Variants in TMEM135 observed in about 807,000 individuals in gnomAD.
TMEM135 encodes the protein transmembrane protein 135, also known as peroxisomal membrane protein 52.
A neutral mutation model predicts 60.3 loss-of-function variants in TMEM135; 30 were observed. The observed-to-expected ratio is 0.50, with a 90% CI of 0.37 to 0.68. The LOEUF is 0.68. TMEM135 is among the 30% of genes least tolerant of loss of function. The pLI is 0.00. For missense variants in TMEM135, 468 were observed against 548.8 expected (o/e 0.85, Z 1.47); for synonymous variants, 190 against 186.7 (o/e 1.02, Z -0.14).
intron 1 of TMEM135, among the ~76,000 whole-genome samples, 160 bp downstream of exon 1, chr11:87,038,346 G>GATATACCAA (rs2135098275): frequency 6.6e-6 from 1 of 152,112 alleles, no homozygotes; most frequent in South Asian, 2.1e-4. Context: ...GAAGGGGGAG[G>GATATACCAA]TCGCAAGGGA....
chr11:87,316,539 C>T (rs555816370), intron 12 of TMEM135, among the ~76,000 whole-genome samples: 18 of 152,066 alleles, frequency 1.2e-4, no homozygotes, highest in Admixed American at 1.2e-3. Flanking sequence ...GCTGAGAGAA[C>T]AGTTAGTCTG....
intron 1 of TMEM135, among the ~76,000 whole-genome samples, chr11:87,056,270 T>G (rs531164280): frequency 6.6e-6 from 1 of 152,318 alleles, no homozygotes; most frequent in South Asian, 2.1e-4. Flanking sequence ...TGCCTAATTT[T>G]CTGAGAATGC....
At chr11:87,128,635 A>G (rs1937806928) in intron 4 of TMEM135, among the ~76,000 whole-genome samples, 2 of 152,218 alleles carry the variant, frequency 1.3e-5, no homozygotes, top group African/African-American at 4.8e-5. Flanking sequence ...TACTAGTAGG[A>G]AATGAACTCT....
chr11:87,107,793 G>A (rs1414521668), intron 4 of TMEM135, among the ~76,000 whole-genome samples: 2 of 152,066 alleles, frequency 1.3e-5, no homozygotes, highest in Admixed American at 1.3e-4. Flanking sequence ...GGGATTGCTG[G>A]GTCAAATGGT....
intron 6 of TMEM135, among the ~76,000 whole-genome samples, chr11:87,268,090 G>A (rs10128621): frequency 0.37 from 54,425 of 147,136 alleles, 10,852 homozygotes; most frequent in Non-Finnish European, 0.45. Flanking sequence ...GGGAGATTAA[G>A]TACCTACTCT....
At chr11:87,304,842 A>G (rs918625987) in intron 8 of TMEM135, among the ~76,000 whole-genome samples, 3 of 152,164 alleles carry the variant, frequency 2.0e-5, no homozygotes, top group African/African-American at 7.2e-5. Flanking sequence ...CTTATTTTGG[A>G]ACATGAACCC....
intron 6 of TMEM135, among the ~76,000 whole-genome samples, chr11:87,254,484 A>G (rs1039575020): frequency 6.6e-6 from 1 of 152,210 alleles, no homozygotes; most frequent in African/African-American, 2.4e-5. Context: ...TGTCATGGAT[A>G]AAATGATCTC....
At chr11:87,141,891 G>A (rs116353301) in intron 4 of TMEM135, among the ~76,000 whole-genome samples, 5,136 of 152,232 alleles carry the variant, frequency 0.034, 262 homozygotes, top group African/African-American at 0.11. Flanking sequence ...TACAGCAGCA[G>A]TCTTTTATGT....
Position 87,095,005 on chromosome 11 carries a change from T to A in TMEM135, c.396+3610T>A, listed in dbSNP as rs141614341. 16 of 174,778 alleles carry A rather than the reference T, an allele frequency of 9.2e-5. No individual in the cohort carries two copies. The East Asian group carries it at 1.5e-3, about 16-fold the overall frequency. 10.8% of individuals were successfully genotyped at this position (174,778 alleles called of 1,614,324 possible). ...AGATATTTACACCTTGGATACCACT[T>A]AGCATGTTGTTCCCGGGGGTGTTCA... On this transcript the variant is annotated intron_variant, in intron 4 of 14. Coordinates refer to ENST00000305494, the MANE Select transcript of TMEM135 (RefSeq NM_022918.4).
At chr11:87,125,789 C>T (rs1189642270) in intron 4 of TMEM135, among the ~76,000 whole-genome samples, 2 of 152,134 alleles carry the variant, frequency 1.3e-5, no homozygotes, top group African/African-American at 2.4e-5. Flanking sequence ...AGATGGGGGT[C>T]AGTTCTCAGA....
intron 3 of TMEM135, among the ~76,000 whole-genome samples, chr11:87,080,290 A>G (rs1316791622): frequency 6.7e-6 from 1 of 150,186 alleles, no homozygotes; most frequent in Non-Finnish European, 1.5e-5. Flanking sequence ...CCTTACTGGG[A>G]GGGCTCTCTT....
intron 4 of TMEM135, chr11:87,095,683 A>C: frequency 5.7e-6 from 1 of 176,004 alleles, no homozygotes. Flanking sequence ...CACTATTTTA[A>C]AAGTAAATGC....
rs562454378 is a variant in TMEM135 at position 87,315,343 on chromosome 11, A to C, written c.1077+796A>C. 1.2e-3 allele frequency among the ~76,000 whole-genome samples: 187 copies of C among 152,056 alleles called. 1 individual carries two copies. Among genetic ancestry groups the C allele is most frequent in the African/African-American group, 4.4e-3 (181 of 41,516 alleles). ...GTTGTTAACTAGATCTTGAGACCTAAGCAAATTCAGGTTTAAATTTTTGTA... is the reference window on the plus strand; with the variant it reads ...GTTGTTAACTAGATCTTGAGACCTACGCAAATTCAGGTTTAAATTTTTGTA... On this transcript the variant is annotated intron_variant, in intron 12 of 14. Coordinates refer to ENST00000305494, the MANE Select transcript of TMEM135 (RefSeq NM_022918.4).
chr11:87,202,527 G>C (rs1940137160), intron 5 of TMEM135, among the ~76,000 whole-genome samples: 1 of 151,358 alleles, frequency 6.6e-6, no homozygotes, highest in Non-Finnish European at 1.5e-5. Flanking sequence ...GATTTTGCCA[G>C]CTTGCCCAGG....
intron 5 of TMEM135, among the ~76,000 whole-genome samples, chr11:87,201,591 T>C (rs620313): frequency 0.13 from 19,989 of 152,192 alleles, 1,362 homozygotes; most frequent in Non-Finnish European, 0.15. Flanking sequence ...TTAAGACGCC[T>C]GCTGGTTGGA....
intron 7 of TMEM135, among the ~76,000 whole-genome samples, chr11:87,300,791 G>A (rs1942432159): frequency 6.6e-6 from 1 of 152,146 alleles, no homozygotes; most frequent in African/African-American, 2.4e-5. Flanking sequence ...TACTAAAATG[G>A]CACGTACATT....
At chr11:87,309,731 A>G in intron 10 of TMEM135, 59 bp downstream of exon 10, 1 of 1,559,180 alleles carries the variant, frequency 6.4e-7, no homozygotes, top group Non-Finnish European at 8.8e-7. Flanking sequence ...TATTGTTAGA[A>G]TGAGAGATGG....
chr11:87,324,832 A>G lies in TMEM135; in HGVS notation c.*3499A>G, dbSNP rs1342578032. On this transcript the variant is annotated 3_prime_UTR_variant, in exon 15 of 15. Transcript: ENST00000305494. ...TACATTTCTTACTAAGATATCTTAT[A>G]AACATTCTCTCTCCTAACACCTCCT... 3 of 453,810 alleles carry G rather than the reference A, an allele frequency of 6.6e-6. No individual in the cohort carries two copies. Among genetic ancestry groups the G allele is most frequent in the South Asian group, 3.1e-5 (2 of 64,458 alleles). The allele number at this position is 453,810 out of a possible 1,614,324, so 28.1% of individuals were successfully genotyped here.
intron 1 of TMEM135, among the ~76,000 whole-genome samples, chr11:87,060,665 C>T (rs1336448999): frequency 1.4e-5 from 2 of 144,554 alleles, no homozygotes; most frequent in South Asian, 2.2e-4. Context: ...TTTTTTGAGA[C>T]GGAGTCTCGC....
Sources: gnomAD v4.1 joint callset for allele counts (sites outside exome capture counted in the v4.1 genomes callset) on GRCh38, gnomAD v4.1.1 for gene constraint, MANE v1.5 for transcripts, NCBI Gene and HGNC (gene_info 2026-07-23, HGNC 2026-07-21) for gene names.